Variants in PRKG1 observed in about 807,000 individuals in gnomAD.
PRKG1 encodes protein kinase cGMP-dependent 1.
A neutral mutation model predicts 88.1 loss-of-function variants in PRKG1; 35 were observed. The ratio of observed to expected loss-of-function variants is 0.40; its 90% confidence interval spans 0.30 to 0.53. The LOEUF (loss-of-function observed/expected upper bound fraction) is 0.53. Among genes scored for constraint, PRKG1 ranks in the 20% least tolerant of loss-of-function variants. The pLI is 0.59. For missense variants in PRKG1, 540 were observed against 839.8 expected (o/e 0.64, Z 4.41); for synonymous variants, 303 against 292.5 (o/e 1.04, Z -0.37).
At chr10:51,323,205 G>T (rs71508074) in intron 2 of PRKG1, among the ~76,000 whole-genome samples, 3,223 of 152,180 alleles carry the variant, frequency 0.021, 52 homozygotes, top group Non-Finnish European at 0.032. Context: ...ATATTGCTAC[G>T]ATATGATATA....
Position 51,374,093 on chromosome 10 carries a change from A to AATAT in PRKG1, c.479-93613_479-93610dup, listed in dbSNP as rs58198784. Among the ~76,000 whole-genome samples the AATAT allele has an allele frequency of 2.6e-3, 263 of 100,188 alleles. 11 individuals are homozygous for AATAT. The highest frequency in any genetic ancestry group is 5.1e-3 in the South Asian group (12 of 2,352). 65.7% of individuals were successfully genotyped at this position (100,188 alleles called of 152,430 possible). ...GCTGGCAGAGGTTGCAAAAAAAAAA[A>AATAT]ATATATATATATATATATATGTACT... On this transcript the variant is annotated intron_variant, in intron 2 of 17. Coordinates refer to ENST00000373980, the MANE Select transcript of PRKG1 (RefSeq NM_006258.4).
chr10:51,883,262 T>A (rs1841481650), intron 4 of PRKG1, among the ~76,000 whole-genome samples: 1 of 152,226 alleles, frequency 6.6e-6, no homozygotes, highest in Non-Finnish European at 1.5e-5. Context: ...ACCATCTTTC[T>A]GGCTTCTGCA....
At chr10:51,507,542 G>A (rs1191339847) in intron 3 of PRKG1, among the ~76,000 whole-genome samples, 1 of 152,068 alleles carries the variant, frequency 6.6e-6, no homozygotes, top group African/African-American at 2.4e-5. Flanking sequence ...CAGTGTTTCA[G>A]AGATGGAAAG....
Position 51,660,982 on chromosome 10 carries a change from C to T in PRKG1, c.593-143603C>T, listed in dbSNP as rs536268612. ...ATGTTTTAAATTGGAACATAAATCA[C>T]ATATTAGAATCCAAATGAGCCCATT... On this transcript the variant is annotated intron_variant, in intron 3 of 17. Transcript: ENST00000373980. 7.9e-5 allele frequency among the ~76,000 whole-genome samples: 12 copies of T among 152,160 alleles called. No individual in the cohort carries two copies. In the South Asian group the frequency reaches 2.1e-3, roughly 26 times the overall value.
chr10:51,511,039 G>T (rs1249334238), intron 3 of PRKG1, among the ~76,000 whole-genome samples: 1 of 151,702 alleles, frequency 6.6e-6, no homozygotes, highest in Admixed American at 6.6e-5. Flanking sequence ...GGCGTGAGCC[G>T]CTGCGCCTGG....
chr10:51,564,456 A>T (rs1837550301), intron 3 of PRKG1, among the ~76,000 whole-genome samples: 3 of 152,030 alleles, frequency 2.0e-5, no homozygotes, highest in African/African-American at 7.2e-5. Context: ...AAAAGTTTTA[A>T]GGAGATGAGG....
intron 3 of PRKG1, among the ~76,000 whole-genome samples, chr10:51,769,096 TTC>T: frequency 6.6e-6 from 1 of 152,300 alleles, no homozygotes; most frequent in East Asian, 1.9e-4. Flanking sequence ...AGAACAGTGC[TTC>T]TCTCTGTAAT....
intron 3 of PRKG1, among the ~76,000 whole-genome samples, chr10:51,735,826 C>T (rs1483590978): frequency 7.0e-6 from 1 of 142,486 alleles, no homozygotes; most frequent in Non-Finnish European, 1.5e-5. Flanking sequence ...TTGTGTAACC[C>T]ATGGATATGG....
At chr10:51,481,819 A>G (rs1406185920) in intron 3 of PRKG1, among the ~76,000 whole-genome samples, 8 of 151,354 alleles carry the variant, frequency 5.3e-5, no homozygotes, top group African/African-American at 1.9e-4. Context: ...GCACTTCATT[A>G]TTTCGCCTTG....
chr10:51,425,860 A>T (rs1253246730), intron 2 of PRKG1, among the ~76,000 whole-genome samples: 1 of 152,206 alleles, frequency 6.6e-6, no homozygotes. Flanking sequence ...CAGAAAATGG[A>T]CACTTTAGGT....
At chr10:51,083,262 C>T (rs1010151151) in intron 1 of PRKG1, among the ~76,000 whole-genome samples, 2 of 152,178 alleles carry the variant, frequency 1.3e-5, no homozygotes, top group Non-Finnish European at 2.9e-5. Flanking sequence ...TTCCTGCCAG[C>T]CAGGGTTCCT....
chr10:51,148,584 GT>G (rs1234894875), intron 1 of PRKG1, among the ~76,000 whole-genome samples: 2 of 152,082 alleles, frequency 1.3e-5, no homozygotes, highest in East Asian at 3.8e-4. Context: ...TAAAACATGA[GT>G]GAAAGTAGAG....
chr10:50,995,168 G>A (rs1032958823), intron 1 of PRKG1, among the ~76,000 whole-genome samples: 5 of 152,206 alleles, frequency 3.3e-5, no homozygotes, highest in East Asian at 3.9e-4. Flanking sequence ...AAAAATTTAC[G>A]TAATAGGTGA....
At position 51,688,473 on chromosome 10, in the gene PRKG1, T is replaced by A. The variant is rs1362328312; in HGVS notation, c.593-116112T>A. On this transcript the variant is annotated intron_variant, in intron 3 of 17. Coordinates refer to ENST00000373980, the MANE Select transcript of PRKG1 (RefSeq NM_006258.4). The stretch of plus-strand genomic sequence containing the variant: ...TGGCAGCACCAAACCTCAGATAACA[T>A]TTCCTCAAGGATTTTTCTTCCTCTG... 3.3e-5 allele frequency among the ~76,000 whole-genome samples: 5 copies of A among 152,146 alleles called. No homozygotes were observed. The East Asian group carries it at 7.7e-4, about 24-fold the overall frequency.
chr10:51,068,212 G>A (rs1044066116), intron 1 of PRKG1, among the ~76,000 whole-genome samples: 1 of 151,968 alleles, frequency 6.6e-6, no homozygotes, highest in African/African-American at 2.4e-5. Context: ...GATGATTATA[G>A]AAAAGTCACA....
chr10:51,144,398 A>G (rs1475370844), intron 1 of PRKG1, among the ~76,000 whole-genome samples: 1 of 152,118 alleles, frequency 6.6e-6, no homozygotes, highest in Non-Finnish European at 1.5e-5. Flanking sequence ...GAGTTCTACT[A>G]TGGCAAACTT....
chr10:51,932,194 GGTGT>G (rs1842708244), intron 5 of PRKG1, among the ~76,000 whole-genome samples: 1 of 145,218 alleles, frequency 6.9e-6, no homozygotes, highest in African/African-American at 2.6e-5. Context: ...GAATTGGTTT[GGTGT>G]TTTTTTTTTT....
intron 1 of PRKG1, among the ~76,000 whole-genome samples, chr10:51,131,893 A>C (rs929583546): frequency 1.7e-4 from 26 of 152,144 alleles, no homozygotes; most frequent in African/African-American, 4.6e-4. Flanking sequence ...GGGGATGGAC[A>C]GCTCTGGCAG....
chr10:51,066,871 C>T (rs1843757005), intron 1 of PRKG1, among the ~76,000 whole-genome samples: 1 of 151,980 alleles, frequency 6.6e-6, no homozygotes, highest in East Asian at 1.9e-4. Context: ...AAGTAGTGTT[C>T]TTTAGTTCAC....
Sources: allele counts gnomAD v4.1 joint callset (sites outside exome capture counted in the v4.1 genomes callset), GRCh38; gene constraint gnomAD v4.1.1; transcripts MANE v1.5; gene names NCBI Gene and HGNC (gene_info 2026-07-23, HGNC 2026-07-21).